NR1D2: variants seen among roughly 807,000 people sequenced by gnomAD.
NR1D2 encodes the protein V-erbA-related protein 1-related.
NR1D2 carries 25 observed loss-of-function variants against 52.2 expected under a neutral mutation model. The ratio of observed to expected loss-of-function variants is 0.48; its 90% CI spans 0.35 to 0.67. The LOEUF is 0.67. NR1D2 is among the 30% of genes least tolerant of loss of function. The probability of loss-of-function intolerance (pLI) is 0.01; values close to 1 mark genes in which losing one functional copy is unlikely to be tolerated. For synonymous variants in NR1D2, 259 were observed against 230.1 expected, an observed-to-expected ratio of 1.13 and a Z score of -1.14; for missense variants, 681 against 707.2, an observed-to-expected ratio of 0.96 and a Z score of 0.42.
intron 6 of NR1D2, among the ~76,000 whole-genome samples, chr3:23,967,547 C>T (rs1444114254): frequency 1.3e-5 from 2 of 152,008 alleles, no homozygotes; most frequent in African/African-American, 2.4e-5. Context: ...ACCCGGGAGG[C>T]GGAGGTTGCA....
chr3:23,965,580 T>C (rs1706422158), intron 6 of NR1D2, among the ~76,000 whole-genome samples: 1 of 152,124 alleles, frequency 6.6e-6, no homozygotes. Context: ...TCAGTATTTA[T>C]AGTCCAGAGT....
chr3:23,969,181 G>A (rs1187444660), intron 7 of NR1D2, among the ~76,000 whole-genome samples: 3 of 152,170 alleles, frequency 2.0e-5, no homozygotes, highest in Non-Finnish European at 4.4e-5. Context: ...AGCTACTCAG[G>A]AGGCTGAAGC....
At chr3:23,963,883 A>G (rs1402680668) in intron 5 of NR1D2, among the ~76,000 whole-genome samples, 3 of 150,580 alleles carry the variant, frequency 2.0e-5, no homozygotes, top group Non-Finnish European at 4.4e-5. Context: ...GATTTTACTA[A>G]TAGAATATAC....
intron 1 of NR1D2, among the ~76,000 whole-genome samples, chr3:23,953,356 A>C (rs1169366530): frequency 6.6e-6 from 1 of 151,280 alleles, no homozygotes; most frequent in East Asian, 1.9e-4. Flanking sequence ...AAAAAAAAAA[A>C]AAAAAAAAAA....
At chr3:23,967,687 CCT>C (rs1399283558) in intron 6 of NR1D2, 124 bp from the exon 7 acceptor site, 15 of 661,748 alleles carry the variant, frequency 2.3e-5, no homozygotes, top group African/African-American at 1.3e-4. Context: ...AAAAGTATAC[CCT>C]GTTTTTCTTT....
chr3:23,962,668 T>C, intron 5 of NR1D2, 63 bp downstream of exon 5: 3 of 1,484,394 alleles, frequency 2.0e-6, no homozygotes, highest in Non-Finnish European at 2.7e-6. Context: ...TTTTCTTTTA[T>C]TCGGGAGATA....
At chr3:23,946,265 G>T in intron 1 of NR1D2, 1 of 985,474 alleles carries the variant, frequency 1.0e-6, no homozygotes, top group Non-Finnish European at 1.2e-6. Flanking sequence ...TGACCCCAAG[G>T]CGCGGACCCC....
chr3:23,972,346 A>G (rs1425186309), intron 7 of NR1D2, among the ~76,000 whole-genome samples: 2 of 152,224 alleles, frequency 1.3e-5, no homozygotes, highest in Non-Finnish European at 2.9e-5. Flanking sequence ...CCTTTCCATT[A>G]TACTGCTTGT....
chr3:23,954,952 C>A (rs1472118381), intron 2 of NR1D2, 149 bp downstream of exon 2: 6 of 717,114 alleles, frequency 8.4e-6, no homozygotes, highest in Admixed American at 8.2e-5. Flanking sequence ...GGGAAGAAAT[C>A]AGTGATGATG....
intron 1 of NR1D2, among the ~76,000 whole-genome samples, chr3:23,947,067 A>G (rs1048649551): frequency 6.6e-6 from 1 of 152,084 alleles, no homozygotes; most frequent in Non-Finnish European, 1.5e-5. Context: ...TCTGGATCTA[A>G]TTGTGTTTTG....
At position 23,954,519 on chromosome 3, in the gene NR1D2, T is replaced by G. The variant is rs530105390; in HGVS notation, c.17-18T>G. On this transcript the variant is annotated intron_variant, in intron 1 of 7. Coordinates refer to ENST00000312521, the MANE Select transcript of NR1D2 (RefSeq NM_005126.5). The stretch of plus-strand genomic sequence containing the variant: ...ATTATCTTGTATCTAATTATGTGAT[T>G]TTCCTCCTATTTTCTAGGAGGTGTG... The G allele has an allele frequency of 3.1e-6, 5 of 1,603,034 alleles. No individual in the cohort carries two copies. Among genetic ancestry groups the G allele is most frequent in the Non-Finnish European group, 4.3e-6 (5 of 1,171,784 alleles).
chr3:23,959,077 A>T lies in NR1D2; in HGVS notation c.373-594A>T, dbSNP rs149735216. 6.6e-5 allele frequency among the ~76,000 whole-genome samples: 10 copies of T among 152,258 alleles called. No individual in the cohort carries two copies. In the East Asian group the frequency reaches 1.9e-3, roughly 29 times the overall value. ...GAGCCCTGGAGTTCAAGACCAGCCT[A>T]GGCAACATGGCAAAACCTCATTTCT... On this transcript the variant is annotated intron_variant, in intron 3 of 7. Coordinates refer to ENST00000312521, the MANE Select transcript of NR1D2 (RefSeq NM_005126.5).
Position 23,967,886 on chromosome 3 carries a change from A to G in NR1D2, c.1406A>G (p.Tyr469Cys). ...RTVTFLSGKK[Y>C]SVDDLHSMGA... ...GTCACCTTTTTAAGTGGAAAGAAAT[A>G]TAGTGTGGATGATTTACACTCAATG... is the stretch of plus-strand genomic sequence containing the variant. The change falls in exon 7 of 8, where the codon TAT becomes TGT. Residue 469 changes from tyrosine to cysteine, a missense_variant. Transcript: ENST00000312521. 1 of 1,614,070 alleles carries G rather than the reference A, an allele frequency of 6.2e-7. No homozygotes were observed. Among genetic ancestry groups the G allele is most frequent in the Non-Finnish European group, 8.5e-7 (1 of 1,179,904 alleles).
chr3:23,973,931 C>G (rs1324693351), intron 7 of NR1D2, among the ~76,000 whole-genome samples: 2 of 152,064 alleles, frequency 1.3e-5, no homozygotes, highest in Non-Finnish European at 2.9e-5. Context: ...ATCAATATCA[C>G]TGTCTTCCAC....
intron 2 of NR1D2, 107 bp from the exon 3 acceptor site, chr3:23,955,930 A>C: frequency 1.5e-6 from 1 of 685,534 alleles, no homozygotes; most frequent in Non-Finnish European, 2.6e-6. Flanking sequence ...GTAGATGTGT[A>C]TCTTCTAAAA....
At chr3:23,947,821 G>T (rs1705796271) in intron 1 of NR1D2, among the ~76,000 whole-genome samples, 1 of 152,074 alleles carries the variant, frequency 6.6e-6, no homozygotes, top group African/African-American at 2.4e-5. Context: ...GGTCTAATAA[G>T]AATTGCCTTA....
intron 1 of NR1D2, among the ~76,000 whole-genome samples, chr3:23,950,905 T>C (rs1261895477): frequency 2.4e-5 from 2 of 82,552 alleles, no homozygotes; most frequent in Admixed American, 2.3e-4. Context: ...TCTTTTTCTT[T>C]TTTTTTTTTT....
chr3:23,975,503 G>T (rs1292678478), intron 7 of NR1D2, among the ~76,000 whole-genome samples: 3 of 152,152 alleles, frequency 2.0e-5, no homozygotes, highest in Admixed American at 6.5e-5. Flanking sequence ...CAGGTGCAGT[G>T]GCTTATGCCT....
At chr3:23,945,919 A>C (rs1480310200) in intron 1 of NR1D2, among the ~76,000 whole-genome samples, 1 of 148,742 alleles carries the variant, frequency 6.7e-6, no homozygotes, top group East Asian at 2.1e-4. Flanking sequence ...CGGGCGCGTG[A>C]CGCGGCATTA....
Sources: allele counts gnomAD v4.1 joint callset (sites outside exome capture counted in the v4.1 genomes callset), GRCh38; gene constraint gnomAD v4.1.1; transcripts MANE v1.5; gene names NCBI Gene and HGNC (gene_info 2026-07-23, HGNC 2026-07-21).